Variants in ABCB1 observed in about 807,000 individuals in gnomAD.
ABCB1 encodes the protein ATP-dependent translocase ABCB1.
A neutral mutation model predicts 142.0 loss-of-function variants in ABCB1; 69 were observed. The observed-to-expected ratio is 0.49, with a 90% CI of 0.40 to 0.59. The LOEUF (loss-of-function observed/expected upper bound fraction) is 0.59. Ranked by LOEUF, ABCB1 falls within the 20% of genes least tolerant of loss-of-function variation. ABCB1 has a pLI of 0.00. For synonymous variants in ABCB1, 532 were observed against 539.2 expected (o/e 0.99, Z 0.18); for missense variants, 1,326 against 1,554.7 (o/e 0.85, Z 2.47).
chr7:87,670,523 G>T (rs1825717510), intron 1 of ABCB1, among the ~76,000 whole-genome samples: 1 of 152,128 alleles, frequency 6.6e-6, no homozygotes, highest in Non-Finnish European at 1.5e-5. Flanking sequence ...GAATGGGTGT[G>T]GTCATTTGGA....
In ABCB1 at chr7:87,535,338, A is replaced by ATTT. The variant is rs143639915; in HGVS notation, c.2481+1117_2481+1119dup. Among the ~76,000 whole-genome samples, 215 of 144,314 alleles carry ATTT rather than the reference A, an allele frequency of 1.5e-3. 4 individuals are homozygous for ATTT. The highest frequency in any genetic ancestry group is 0.01 in the Middle Eastern group (3 of 286). The allele number at this position is 144,314 out of a possible 152,430, so 94.7% of individuals were successfully genotyped here. ...ATTCCAGCCACTCTGTCTTCTTTGCATTTTTTTTTTTTTTGAGACATAGTC... is the reference window on the plus strand; with the variant it reads ...ATTCCAGCCACTCTGTCTTCTTTGCATTTTTTTTTTTTTTTTTGAGACATAGTC... On this transcript the variant is annotated intron_variant, in intron 20 of 27. Transcript: ENST00000622132.
intron 1 of ABCB1, among the ~76,000 whole-genome samples, chr7:87,667,013 C>A (rs1460855787): frequency 1.3e-5 from 2 of 152,100 alleles, no homozygotes; most frequent in Non-Finnish European, 2.9e-5. Flanking sequence ...TGGTTTTTAT[C>A]TAGTTCTGTG....
chr7:87,544,273 A>C lies in ABCB1; in HGVS notation c.2067T>G (p.Asp689Glu). Residue 689 changes from aspartate (D) to glutamate (E), a missense_variant and splice_region_variant, in exon 17 of 28, where the codon GAT becomes GAG. Coordinates refer to ENST00000622132, the MANE Select transcript of ABCB1 (RefSeq NM_001348946.2). ...DRKLSTKEAL[D>E]ESIPPVSFWR... Reference sequence around the variant, plus strand: ...AAAAGGAAACTGGAGGTATACTTTCATCCTAGAAAACACAAATTATTACAA... The same window carrying C: ...AAAAGGAAACTGGAGGTATACTTTCCTCCTAGAAAACACAAATTATTACAA... 1.2e-6 allele frequency: 2 copies of C among 1,612,666 alleles called. No homozygotes were observed. Among genetic ancestry groups the C allele is most frequent in the Non-Finnish European group, 1.7e-6 (2 of 1,179,788 alleles).
chr7:87,578,756 G>C (rs1818380185), intron 4 of ABCB1, among the ~76,000 whole-genome samples: 1 of 149,088 alleles, frequency 6.7e-6, no homozygotes. Context: ...TGCAGTGGCG[G>C]GATCTCGGCT....
intron 1 of ABCB1, among the ~76,000 whole-genome samples, chr7:87,684,261 C>T (rs1023299261): frequency 6.6e-6 from 1 of 152,094 alleles, no homozygotes. Flanking sequence ...CAGTTCTTTT[C>T]ATATTGTTTT....
intron 1 of ABCB1, among the ~76,000 whole-genome samples, chr7:87,618,937 A>G (rs1344995155): frequency 3.3e-5 from 5 of 152,184 alleles, no homozygotes. Context: ...GGATTCTACC[A>G]ACAACTTGAA....
intron 1 of ABCB1, among the ~76,000 whole-genome samples, chr7:87,631,208 T>G (rs1821179008): frequency 6.6e-6 from 1 of 152,200 alleles, no homozygotes. Flanking sequence ...ATAGGCTTTG[T>G]CTGAATGACT....
At chr7:87,637,321 C>T (rs1415153611) in intron 1 of ABCB1, among the ~76,000 whole-genome samples, 2 of 152,188 alleles carry the variant, frequency 1.3e-5, no homozygotes, top group Admixed American at 6.5e-5. Context: ...AAATTAATAC[C>T]TATAACTTTA....
intron 7 of ABCB1, among the ~76,000 whole-genome samples, chr7:87,562,176 T>C (rs1385099500): frequency 2.6e-5 from 4 of 152,226 alleles, no homozygotes; most frequent in Admixed American, 2.0e-4. Flanking sequence ...CTCCCTTTCC[T>C]GTGTGTGAAA....
At chr7:87,585,372 A>C in intron 4 of ABCB1, 140 bp downstream of exon 4, 1 of 808,892 alleles carries the variant, frequency 1.2e-6, no homozygotes. Context: ...CACTACAAAT[A>C]TGAATTATAA....
At chr7:87,504,636 T>C (rs1039216996) in intron 27 of ABCB1, among the ~76,000 whole-genome samples, 187 bp from the exon 28 acceptor site, 1 of 152,016 alleles carries the variant, frequency 6.6e-6, no homozygotes, top group African/African-American at 2.4e-5. Context: ...AAACCCCATC[T>C]CTATCAAAAA....
intron 21 of ABCB1, among the ~76,000 whole-genome samples, chr7:87,526,546 T>C (rs1815791463): frequency 6.6e-6 from 1 of 151,948 alleles, no homozygotes. Flanking sequence ...AAAAAGATTC[T>C]TATAACCCCC....
At chr7:87,641,130 TAATA>T (rs1470513820) in intron 1 of ABCB1, among the ~76,000 whole-genome samples, 1 of 152,228 alleles carries the variant, frequency 6.6e-6, no homozygotes, top group African/African-American at 2.4e-5. Flanking sequence ...GTTATTTCTT[TAATA>T]CTTTTGTTGT....
chr7:87,610,277 A>ACCCGGGCT (rs1819804022), intron 1 of ABCB1, among the ~76,000 whole-genome samples: 1 of 117,904 alleles, frequency 8.5e-6, no homozygotes, highest in Admixed American at 1.1e-4. Context: ...TTGCTTGGTC[A>ACCCGGGCT]CCCGGGCTGT....
chr7:87,602,474 G>A (rs754004807), upstream of ABCB1, among the ~76,000 whole-genome samples: 6 of 151,870 alleles, frequency 4.0e-5, no homozygotes, highest in Non-Finnish European at 5.9e-5. Context: ...CATTACATGC[G>A]TTTTTAATCT....
intron 4 of ABCB1, among the ~76,000 whole-genome samples, chr7:87,582,289 A>G (rs1030890744): frequency 1.3e-5 from 2 of 152,246 alleles, no homozygotes; most frequent in South Asian, 4.1e-4. Flanking sequence ...GATGCTGACC[A>G]TATTTGGTTA....
intron 4 of ABCB1, among the ~76,000 whole-genome samples, chr7:87,583,851 A>C (rs1354035348): frequency 1.3e-5 from 2 of 152,208 alleles, no homozygotes; most frequent in Non-Finnish European, 2.9e-5. Context: ...ATCTGGATGG[A>C]CAGAGATGTA....
At chr7:87,524,137 G>A (rs181390700) in intron 21 of ABCB1, among the ~76,000 whole-genome samples, 1 of 151,206 alleles carries the variant, frequency 6.6e-6, no homozygotes, top group African/African-American at 2.4e-5. Flanking sequence ...CAGTTTTGAA[G>A]ACTAATATCA....
At chr7:87,700,595 A>G (rs1475021760) in intron 1 of ABCB1, 1 of 1,560,682 alleles carries the variant, frequency 6.4e-7, no homozygotes, top group Non-Finnish European at 8.7e-7. Context: ...TTTTTTTTTC[A>G]TTGCATGTAT....
Sources: gnomAD v4.1 joint callset for allele counts (sites outside exome capture counted in the v4.1 genomes callset) on GRCh38, gnomAD v4.1.1 for gene constraint, MANE v1.5 for transcripts, NCBI Gene and HGNC (gene_info 2026-07-23, HGNC 2026-07-21) for gene names.